TENM3: variants seen among roughly 807,000 people sequenced by gnomAD.
TENM3 encodes teneurin-3.
A neutral mutation model predicts 255.1 loss-of-function variants in TENM3; 63 were observed. The ratio of observed to expected loss-of-function variants is 0.25; its 90% CI spans 0.20 to 0.30. The LOEUF is 0.30. Among genes scored for constraint, TENM3 ranks in the 10% least tolerant of loss-of-function variants. The pLI is 1.00. For missense variants in TENM3, 2,929 were observed against 3,461.1 expected, an observed-to-expected ratio of 0.85 and a Z score of 3.86; for synonymous variants, 1,306 against 1,322.3, an observed-to-expected ratio of 0.99 and a Z score of 0.27.
At position 182,791,061 on chromosome 4, in the gene TENM3, A is replaced by G. The variant is rs148072535; in HGVS notation, c.5602-1213A>G. ...AAACTTACTCATAGCAAAACAAGTA[A>G]TATTTTACAGACCACCATCAAATAT... On this transcript the variant is annotated intron_variant, in intron 25 of 27. Coordinates refer to ENST00000511685, the MANE Select transcript of TENM3 (RefSeq NM_001080477.4). Among the ~76,000 whole-genome samples the G allele has an allele frequency of 1.2e-4, 19 of 152,350 alleles. No homozygotes were observed. The East Asian group carries it at 2.9e-3, about 23-fold the overall frequency.
chr4:182,764,879 G>A (rs779402196), intron 22 of TENM3, among the ~76,000 whole-genome samples: 2 of 152,152 alleles, frequency 1.3e-5, no homozygotes, highest in Admixed American at 6.5e-5. Flanking sequence ...TAGATTTAAG[G>A]TAGAAAAGTA....
At chr4:182,558,354 G>T (rs1742787451) in intron 3 of TENM3, among the ~76,000 whole-genome samples, 1 of 152,138 alleles carries the variant, frequency 6.6e-6, no homozygotes, top group Non-Finnish European at 1.5e-5. Context: ...CTAAGAATTT[G>T]TAGTGTTTTA....
At chr4:181,718,532 C>A in the TENM3 span, among the ~76,000 whole-genome samples, 1 of 152,096 alleles carries the variant, frequency 6.6e-6, no homozygotes, top group Admixed American at 6.5e-5. Flanking sequence ...ATGTCCAATG[C>A]CACAGCTAGT....
chr4:181,679,855 C>T, the TENM3 span, among the ~76,000 whole-genome samples: 1 of 152,122 alleles, frequency 6.6e-6, no homozygotes, highest in Non-Finnish European at 1.5e-5. Flanking sequence ...TAAACACTCA[C>T]TTCTGCATTA....
At chr4:182,464,549 G>A (rs371666903) in intron 3 of TENM3, among the ~76,000 whole-genome samples, 1 of 152,132 alleles carries the variant, frequency 6.6e-6, no homozygotes. Context: ...GAGCCACCAC[G>A]CCAGGCCTGT....
chr4:181,590,361 CT>C, the TENM3 span, among the ~76,000 whole-genome samples: 1 of 152,160 alleles, frequency 6.6e-6, no homozygotes, highest in African/African-American at 2.4e-5. Flanking sequence ...AGGCTCTCGG[CT>C]ATTCCAGATG....
chr4:182,549,922 T>A (rs1032876364), intron 3 of TENM3, among the ~76,000 whole-genome samples: 2 of 152,180 alleles, frequency 1.3e-5, no homozygotes, highest in African/African-American at 4.8e-5. Flanking sequence ...AAATAAGAAA[T>A]GTTGGGTTCA....
chr4:182,182,217 GC>G, intron 1 of TENM3, among the ~76,000 whole-genome samples: 1 of 152,204 alleles, frequency 6.6e-6, no homozygotes, highest in Non-Finnish European at 1.5e-5. Context: ...TTCAAGGGCA[GC>G]CCGTTTTTTC....
the TENM3 span, among the ~76,000 whole-genome samples, chr4:181,845,545 G>A: frequency 4.8e-4 from 73 of 152,016 alleles, no homozygotes; most frequent in African/African-American, 1.7e-3. Flanking sequence ...CCTTAATACA[G>A]AATTAAGCGT....
the TENM3 span, among the ~76,000 whole-genome samples, chr4:182,040,785 T>C: frequency 2.6e-5 from 4 of 152,202 alleles, no homozygotes; most frequent in African/African-American, 4.8e-5. Flanking sequence ...TCTCTTTGCC[T>C]CTCCTAAATC....
chr4:182,146,108 A>G (rs564803087), intron 1 of TENM3, among the ~76,000 whole-genome samples: 1 of 152,328 alleles, frequency 6.6e-6, no homozygotes, highest in African/African-American at 2.4e-5. Context: ...TTTATGTATT[A>G]ATATATTGAG....
the TENM3 span, among the ~76,000 whole-genome samples, chr4:181,605,570 G>GAAAGAAAGAAAGAA: frequency 4.0e-5 from 1 of 24,786 alleles, no homozygotes; most frequent in Non-Finnish European, 1.1e-4. Flanking sequence ...AAGAAAGAAA[G>GAAAGAAAGAAAGAA]AGAGAGAAAG....
intron 1 of TENM3, among the ~76,000 whole-genome samples, chr4:182,262,392 A>T (rs960403800): frequency 1.3e-5 from 2 of 152,140 alleles, no homozygotes; most frequent in Non-Finnish European, 2.9e-5. Context: ...ACAGGATGGG[A>T]TAGGAGATTG....
At chr4:182,283,919 G>A (rs17072971) in intron 1 of TENM3, among the ~76,000 whole-genome samples, 6,387 of 152,234 alleles carry the variant, frequency 0.042, 305 homozygotes, top group African/African-American at 0.11. Context: ...ACCCAGAGAC[G>A]TAGTCCAAAT....
chr4:182,554,380 A>G (rs544498981), intron 3 of TENM3, among the ~76,000 whole-genome samples: 1 of 152,322 alleles, frequency 6.6e-6, no homozygotes, highest in South Asian at 2.1e-4. Flanking sequence ...ATCAAGTTTT[A>G]TAGTGTGATT....
At chr4:182,507,828 G>C (rs944768506) in intron 3 of TENM3, among the ~76,000 whole-genome samples, 2 of 152,192 alleles carry the variant, frequency 1.3e-5, no homozygotes, top group African/African-American at 4.8e-5. Context: ...ATAGATCTTA[G>C]AGACCTTAGA....
At chr4:181,803,209 A>G in the TENM3 span, among the ~76,000 whole-genome samples, 1 of 152,178 alleles carries the variant, frequency 6.6e-6, no homozygotes, top group Non-Finnish European at 1.5e-5. Context: ...CACAATCTCC[A>G]TCAGTGACAA....
At chr4:181,872,643 A>G in the TENM3 span, among the ~76,000 whole-genome samples, 85 of 152,152 alleles carry the variant, frequency 5.6e-4, no homozygotes, top group Admixed American at 9.8e-4. Context: ...TTGTGATCAT[A>G]TTCCCTCTTT....
At chr4:181,858,831 T>G in the TENM3 span, among the ~76,000 whole-genome samples, 1 of 152,140 alleles carries the variant, frequency 6.6e-6, no homozygotes, top group African/African-American at 2.4e-5. Flanking sequence ...AAAAGAAAAT[T>G]GAAACCAGTT....
Sources: gnomAD v4.1 joint callset for allele counts (sites outside exome capture counted in the v4.1 genomes callset) on GRCh38, gnomAD v4.1.1 for gene constraint, MANE v1.5 for transcripts, NCBI Gene and HGNC (gene_info 2026-07-23, HGNC 2026-07-21) for gene names.